Variants in DLEU7 observed in about 807,000 individuals in gnomAD.
The protein encoded by DLEU7 is leukemia-associated protein 7.
A neutral mutation model predicts 16.0 loss-of-function variants in DLEU7; 17 were observed. That is an observed-to-expected ratio of 1.06 (90% CI 0.73 to 1.59). The LOEUF (loss-of-function observed/expected upper bound fraction) is 1.59, where lower values mean the gene tolerates loss of function less well. Among genes scored for constraint, DLEU7 ranks in the 40% most tolerant of loss-of-function variants. The pLI is 0.00. For synonymous variants in DLEU7, 113 were observed against 139.8 expected (o/e 0.81, Z 1.35); for missense variants, 308 against 314.9 (o/e 0.98, Z 0.17).
In DLEU7 at chr13:50,827,069, GAAACTC is replaced by G. The variant is rs536248886; in HGVS notation, c.460-3555_460-3550del. Among the ~76,000 whole-genome samples the G allele has an allele frequency of 9.2e-5, 14 of 152,186 alleles. No individual in the cohort carries two copies. In the South Asian group the frequency reaches 2.9e-3, roughly 32 times the overall value. On this transcript the variant is annotated intron_variant, in intron 1 of 1. Transcript: ENST00000504404. The stretch of plus-strand genomic sequence containing the variant: ...GATTCAGGATGCAACAGTGAACAAA[GAAACTC>G]AAACACATGGTATAAATCTAAAGAA...
intron 1 of DLEU7, among the ~76,000 whole-genome samples, chr13:50,756,620 G>A (rs914528838): frequency 7.9e-5 from 12 of 152,184 alleles, no homozygotes; most frequent in Non-Finnish European, 1.5e-4. Flanking sequence ...CAGGGCTTGA[G>A]AACTTGCCCC....
intron 1 of DLEU7, among the ~76,000 whole-genome samples, chr13:50,834,724 T>C (rs1222219864): frequency 6.6e-6 from 1 of 152,194 alleles, no homozygotes; most frequent in Non-Finnish European, 1.5e-5. Flanking sequence ...GTCATTCTAC[T>C]ATAAACACAC....
chr13:50,744,617 C>T (rs189430253), intron 1 of DLEU7, among the ~76,000 whole-genome samples: 1 of 152,108 alleles, frequency 6.6e-6, no homozygotes, highest in East Asian at 1.9e-4. Flanking sequence ...TATAGAAAGG[C>T]AGAGTGAAGA....
At position 50,758,549 on chromosome 13, in the gene DLEU7, G is replaced by A. The variant is rs1473680032; in HGVS notation, c.460-45309C>T. 2.0e-5 allele frequency among the ~76,000 whole-genome samples: 3 copies of A among 152,220 alleles called. No homozygotes were observed. The East Asian group carries it at 5.8e-4, about 29-fold the overall frequency. On this transcript the variant is annotated intron_variant, in intron 1 of 1. Coordinates refer to the DLEU7 transcript ENST00000400393. ...GCTTTCATGAAGCTGCAGTTAAGCA[G>A]TCACTTAGGGCTGGGGCTGTGGGGC...
intron 1 of DLEU7, among the ~76,000 whole-genome samples, chr13:50,725,886 CAAAT>C (rs1055909892): frequency 6.6e-6 from 1 of 151,806 alleles, no homozygotes; most frequent in Admixed American, 6.6e-5. Context: ...TGACTATTAA[CAAAT>C]AACTCTAATC....
intron 1 of DLEU7, among the ~76,000 whole-genome samples, chr13:50,836,926 A>G (rs769639449): frequency 6.6e-6 from 1 of 152,218 alleles, no homozygotes; most frequent in African/African-American, 2.4e-5. Context: ...TGTGGAAAAC[A>G]TACTATCATG....
chr13:50,835,422 G>A (rs919173384), intron 1 of DLEU7, among the ~76,000 whole-genome samples: 2 of 152,284 alleles, frequency 1.3e-5, no homozygotes, highest in Middle Eastern at 3.4e-3. Context: ...CAAGTGAATC[G>A]TTTCATGTTT....
chr13:50,767,470 A>AAAAAAAAAAC (rs1349709941), intron 1 of DLEU7, among the ~76,000 whole-genome samples: 3 of 151,588 alleles, frequency 2.0e-5, no homozygotes, highest in African/African-American at 7.3e-5. Context: ...AAAAAAAAAA[A>AAAAAAAAAAC]AAAAAAAACT....
chr13:50,727,211 A>T (rs1011976471), intron 1 of DLEU7, among the ~76,000 whole-genome samples: 1 of 138,918 alleles, frequency 7.2e-6, no homozygotes, highest in Non-Finnish European at 1.5e-5. Flanking sequence ...ACGCTCTTGC[A>T]TACGTGTGTG....
At chr13:50,754,599 T>TC (rs1169674023) in intron 1 of DLEU7, among the ~76,000 whole-genome samples, 1 of 152,220 alleles carries the variant, frequency 6.6e-6, no homozygotes, top group African/African-American at 2.4e-5. Context: ...AAGCAGCAGA[T>TC]AGTTGGTCAG....
At chr13:50,754,324 T>C (rs1239310920) in intron 1 of DLEU7, among the ~76,000 whole-genome samples, 1 of 152,198 alleles carries the variant, frequency 6.6e-6, no homozygotes, top group Non-Finnish European at 1.5e-5. Context: ...TTAGGTCTAT[T>C]AGTAATTGTT....
chr13:50,802,397 G>C (rs913903289), intron 1 of DLEU7, among the ~76,000 whole-genome samples: 1 of 152,118 alleles, frequency 6.6e-6, no homozygotes, highest in African/African-American at 2.4e-5. Flanking sequence ...CATTTAATTA[G>C]TGCTCCTGAC....
intron 1 of DLEU7, among the ~76,000 whole-genome samples, chr13:50,732,613 A>T (rs1198337929): frequency 6.6e-6 from 1 of 151,316 alleles, no homozygotes; most frequent in East Asian, 1.9e-4. Context: ...TCTCAAAAAA[A>T]AAAAAAAAAA....
intron 1 of DLEU7, among the ~76,000 whole-genome samples, chr13:50,815,635 A>G (rs1468506941): frequency 6.6e-6 from 1 of 152,180 alleles, no homozygotes; most frequent in Non-Finnish European, 1.5e-5. Flanking sequence ...CAAGAAATGT[A>G]GGAATGTTTG....
At chr13:50,820,042 A>AAACAAATAAG (rs1310001278), downstream of DLEU7, among the ~76,000 whole-genome samples, 3 of 152,142 alleles carry the variant, frequency 2.0e-5, no homozygotes, top group Admixed American at 6.5e-5. Context: ...CTGACCTGGA[A>AAACAAATAAG]AACAAATAAG....
intron 1 of DLEU7, chr13:50,723,367 A>G (rs1873672370): frequency 1.3e-5 from 2 of 152,242 alleles, no homozygotes; most frequent in South Asian, 4.1e-4. Context: ...CTCTATATCT[A>G]TTAGCTACCA....
At chr13:50,785,572 C>A (rs1034681846) in intron 1 of DLEU7, among the ~76,000 whole-genome samples, 15 of 152,190 alleles carry the variant, frequency 9.9e-5, no homozygotes, top group Admixed American at 9.8e-4. Flanking sequence ...ACTTGGCCAA[C>A]TACTGGGTGA....
intron 1 of DLEU7, among the ~76,000 whole-genome samples, chr13:50,752,607 G>A (rs996322742): frequency 4.0e-5 from 6 of 151,830 alleles, no homozygotes; most frequent in South Asian, 4.2e-4. Context: ...TCGTGGTCTC[G>A]CTGGCTCAGG....
rs772638784 is a variant in DLEU7, at chr13:50,726,511, G to A, written c.460-13271C>T. Among the ~76,000 whole-genome samples the A allele has an allele frequency of 2.0e-5, 3 of 152,088 alleles. No homozygotes were observed. Among genetic ancestry groups the A allele is most frequent in the Non-Finnish European group, 4.4e-5 (3 of 68,004 alleles). ...AAAATACACAAGGGTTTAAATTAAG[G>A]GTAAACGTTGCATTTTCAAATCACA... On this transcript the variant is annotated intron_variant, in intron 1 of 1. Transcript: ENST00000400393. This position sits in a 1 kb window ranked among gnomAD's most constrained non-coding sequence, Gnocchi z 4.0.
Sources: gnomAD v4.1 joint callset for allele counts (sites outside exome capture counted in the v4.1 genomes callset) on GRCh38, gnomAD v4.1.1 for gene constraint, Gnocchi (gnomAD v3.1) non-coding constraint, MANE v1.5 for transcripts, NCBI Gene and HGNC (gene_info 2026-07-23, HGNC 2026-07-21) for gene names.